The following AGAP1 variants were observed in gnomAD, a reference collection of about 807,000 sequenced individuals.
AGAP1 encodes ArfGAP with GTPase domain, ankyrin repeat and PH domain 1.
AGAP1 carries 29 observed loss-of-function variants against 105.3 expected under a neutral mutation model. The observed-to-expected ratio is 0.28, with a 90% CI of 0.21 to 0.38. The LOEUF is 0.38. Ranked by LOEUF, AGAP1 falls within the 10% of genes least tolerant of loss-of-function variation. AGAP1 has a pLI of 1.00. For missense variants in AGAP1, 998 were observed against 1,165.1 expected, an observed-to-expected ratio of 0.86 and a Z score of 2.09; for synonymous variants, 509 against 485.9, an observed-to-expected ratio of 1.05 and a Z score of -0.63.
At chr2:235,778,232 G>T (rs1038306262) in intron 6 of AGAP1, among the ~76,000 whole-genome samples, 1 of 152,138 alleles carries the variant, frequency 6.6e-6, no homozygotes, top group African/African-American at 2.4e-5. Flanking sequence ...TACCTTGTAC[G>T]ACCCTTGCCA....
At chr2:236,074,743 T>C (rs369157136) in intron 16 of AGAP1, among the ~76,000 whole-genome samples, 1 of 152,194 alleles carries the variant, frequency 6.6e-6, no homozygotes, top group African/African-American at 2.4e-5. Flanking sequence ...AGAATTAACA[T>C]AAAGGTTGAG....
chr2:235,546,719 C>A (rs189128340), intron 1 of AGAP1, among the ~76,000 whole-genome samples: 2 of 152,282 alleles, frequency 1.3e-5, no homozygotes, highest in East Asian at 3.9e-4. Flanking sequence ...TCCAGAACCA[C>A]ATGAATGACC....
At chr2:235,954,325 G>A (rs1179898266) in intron 12 of AGAP1, among the ~76,000 whole-genome samples, 1 of 151,994 alleles carries the variant, frequency 6.6e-6, no homozygotes, top group Non-Finnish European at 1.5e-5. Flanking sequence ...GGCCATGAAA[G>A]GGGTGCAGTG....
chr2:235,760,186 G>C (rs527389949), intron 6 of AGAP1, among the ~76,000 whole-genome samples: 2 of 152,278 alleles, frequency 1.3e-5, no homozygotes, highest in Admixed American at 1.3e-4. Context: ...TTTGAGACCA[G>C]CCTGGCCAAC....
chr2:236,029,662 A>G (rs1352626303), intron 13 of AGAP1, among the ~76,000 whole-genome samples: 2 of 151,862 alleles, frequency 1.3e-5, no homozygotes, highest in African/African-American at 4.8e-5. Context: ...TTGCAGAAAA[A>G]TATATTTTGT....
chr2:235,827,259 T>C (rs955553378), intron 9 of AGAP1, among the ~76,000 whole-genome samples: 1 of 152,216 alleles, frequency 6.6e-6, no homozygotes, highest in African/African-American at 2.4e-5. Context: ...CTCCAAGTGT[T>C]TGAGTGAAAT....
chr2:236,129,261 C>T lies in AGAP1; in HGVS notation c.*5139C>T, dbSNP rs1342982125. 1 of 152,360 alleles carries T rather than the reference C, an allele frequency of 6.6e-6. No individual in the cohort carries two copies. Among genetic ancestry groups the T allele is most frequent in the African/African-American group, 2.4e-5 (1 of 41,464 alleles). 9.4% of individuals were successfully genotyped at this position (152,360 alleles called of 1,614,324 possible). ...CACGCTCAGGTGATAGCGAGTGGGG[C>T]CAGGAGACCCCCCTGCCCTGCCCAG... On this transcript the variant is annotated 3_prime_UTR_variant, in exon 18 of 18. Coordinates refer to ENST00000304032, the MANE Select transcript of AGAP1 (RefSeq NM_001037131.3). This position sits in a 1 kb window ranked among gnomAD's most constrained non-coding sequence, Gnocchi z 6.2.
chr2:235,670,007 A>C, intron 1 of AGAP1: 1 of 307,796 alleles, frequency 3.2e-6, no homozygotes, highest in Non-Finnish European at 5.9e-6. Flanking sequence ...GGCGTGGGCC[A>C]CACTCCCGGC....
At chr2:235,681,051 C>G (rs2149397492) in intron 1 of AGAP1, among the ~76,000 whole-genome samples, 1 of 152,296 alleles carries the variant, frequency 6.6e-6, no homozygotes, top group African/African-American at 2.4e-5. Context: ...CTCTGTCGCC[C>G]AGGCTGGAGT....
intron 1 of AGAP1, among the ~76,000 whole-genome samples, chr2:235,499,143 C>T (rs568852595): frequency 2.6e-5 from 4 of 152,314 alleles, no homozygotes; most frequent in Admixed American, 6.5e-5. Flanking sequence ...TGGGCCCGTC[C>T]GACCTCACCT....
intron 1 of AGAP1, among the ~76,000 whole-genome samples, chr2:235,645,257 C>T (rs1224859531): frequency 1.3e-5 from 2 of 152,142 alleles, no homozygotes; most frequent in Non-Finnish European, 2.9e-5. Flanking sequence ...AGTAGAATTA[C>T]AGTTGAAAAC....
chr2:235,695,470 C>T (rs947134419), intron 1 of AGAP1, among the ~76,000 whole-genome samples: 4 of 152,194 alleles, frequency 2.6e-5, no homozygotes, highest in Non-Finnish European at 5.9e-5. Context: ...TATGTCGTCT[C>T]TGTCAGTCAG....
intron 6 of AGAP1, among the ~76,000 whole-genome samples, chr2:235,760,918 T>C (rs894057218): frequency 1.3e-5 from 2 of 152,210 alleles, no homozygotes; most frequent in Non-Finnish European, 2.9e-5. Context: ...TCTCTCTCAG[T>C]CTATCGCTTG....
Position 236,012,254 on chromosome 2 carries a change from AAG to A in AGAP1, c.1646-24304_1646-24303del. On this transcript the variant is annotated intron_variant, in intron 13 of 17. Coordinates refer to ENST00000304032, the MANE Select transcript of AGAP1 (RefSeq NM_001037131.3). This position sits in a 1 kb window ranked among gnomAD's most constrained non-coding sequence, Gnocchi z 4.9. ...ATGGAAGGCATAAAGCGGGCGAGGA[AAG>A]AGGCTTTCTGCACTCGGGCACCCCT... is the stretch of plus-strand genomic sequence containing the variant. Among the ~76,000 whole-genome samples the A allele has an allele frequency of 6.6e-6, 1 of 152,130 alleles. No individual in the cohort carries two copies. The highest frequency in any genetic ancestry group is 3.4e-3 in the Middle Eastern group (1 of 294).
chr2:235,776,826 A>G (rs923636851), intron 6 of AGAP1: 15 of 460,044 alleles, frequency 3.3e-5, no homozygotes, highest in African/African-American at 1.2e-4. Flanking sequence ...TCCCTCAGGC[A>G]TCGGCACCAA....
chr2:235,669,414 G>T (rs1294010277), intron 1 of AGAP1, among the ~76,000 whole-genome samples: 2 of 152,040 alleles, frequency 1.3e-5, no homozygotes, highest in Admixed American at 6.5e-5. Flanking sequence ...TTAGGGTGCA[G>T]GCTGGTGCTG....
intron 6 of AGAP1, among the ~76,000 whole-genome samples, chr2:235,780,781 C>T (rs1412160611): frequency 6.6e-6 from 1 of 152,126 alleles, no homozygotes; most frequent in Non-Finnish European, 1.5e-5. Flanking sequence ...GATAGTTCTC[C>T]CGCTGACAGT....
In AGAP1 at chr2:235,751,464, C is replaced by T. The variant is rs1325876421; in HGVS notation, c.673+976C>T. Among the ~76,000 whole-genome samples, 4 of 152,122 alleles carry T rather than the reference C, an allele frequency of 2.6e-5. No homozygotes were observed. Among genetic ancestry groups the T allele is most frequent in the African/African-American group, 4.8e-5 (2 of 41,438 alleles). ...CGGGCTCTCCAGAGAGTGCTGGAGCCGCTTCAAGGTGATGGAGGACTCGCC... is the reference window on the plus strand; with the variant it reads ...CGGGCTCTCCAGAGAGTGCTGGAGCTGCTTCAAGGTGATGGAGGACTCGCC... On this transcript the variant is annotated intron_variant, in intron 6 of 17. Coordinates refer to ENST00000304032, the MANE Select transcript of AGAP1 (RefSeq NM_001037131.3). This position sits in a 1 kb window ranked among gnomAD's most constrained non-coding sequence, Gnocchi z 5.3.
intron 9 of AGAP1, among the ~76,000 whole-genome samples, chr2:235,839,666 G>A (rs1414949753): frequency 1.3e-5 from 2 of 152,148 alleles, no homozygotes; most frequent in African/African-American, 4.8e-5. Flanking sequence ...GATTTGTTGA[G>A]AATCCATTTT....
Sources: allele counts gnomAD v4.1 joint callset (sites outside exome capture counted in the v4.1 genomes callset), GRCh38; gene constraint gnomAD v4.1.1; non-coding constraint Gnocchi (gnomAD v3.1); transcripts MANE v1.5; gene names NCBI Gene and HGNC (gene_info 2026-07-23, HGNC 2026-07-21).